USP38: variants seen among roughly 807,000 people sequenced by gnomAD.
USP38 encodes the protein ubiquitin specific peptidase 38.
In USP38, 49 loss-of-function variants were observed where a neutral mutation model predicts 94.3. The ratio of observed to expected loss-of-function variants is 0.52; its 90% CI spans 0.41 to 0.66. The LOEUF is 0.66. USP38 is among the 30% of genes least tolerant of loss of function. The probability of loss-of-function intolerance (pLI) is 0.00; values close to 1 mark genes in which losing one functional copy is unlikely to be tolerated. For missense variants in USP38, 1,128 were observed against 1,229.4 expected (o/e 0.92, Z 1.23); for synonymous variants, 468 against 463.6 (o/e 1.01, Z -0.12).
Position 143,186,066 on chromosome 4 carries a change from T to C in USP38, c.616T>C (p.Trp206Arg). ...AGTGAGTAACTTGCTGCAGAACATC[T>C]GGAAGGCCGAGCCTGCCACACTACT... Reference protein sequence around the residue: ...TKVSNLLQNIWKAEPATLLPS... With the variant: ...TKVSNLLQNIRKAEPATLLPS... The change falls in exon 1 of 10, where the codon TGG (tryptophan) becomes CGG (arginine). Residue 206 changes from tryptophan to arginine, a missense_variant. Transcript: ENST00000307017. 1 of 1,614,200 alleles carries C rather than the reference T, an allele frequency of 6.2e-7. No individual in the cohort carries two copies.
chr4:143,196,316 A>T (rs1731548366), intron 3 of USP38, among the ~76,000 whole-genome samples: 1 of 152,232 alleles, frequency 6.6e-6, no homozygotes. Context: ...AAAAAAAAGT[A>T]TAAGTAATTA....
Position 143,185,742 on chromosome 4 carries a change from A to G in USP38, c.292A>G (p.Arg98Gly), listed in dbSNP as rs979517418. 5.0e-6 allele frequency: 8 copies of G among 1,614,058 alleles called. No individual in the cohort carries two copies. In the African/African-American group the frequency reaches 5.3e-5, roughly 11 times the overall value. Residue 98 changes from arginine to glycine, a missense_variant, in exon 1 of 10, where the codon AGG becomes GGG. Arg to Gly is a moderately radical substitution (Grantham distance 125, BLOSUM62 -2). Transcript: ENST00000307017. ...TCATCAGGGCTACCACTCTCTGGAC[A>G]GGAAGGATGTAGCCATCCTGGACTA... ...LLHQGYHSLD[R>G]KDVAILDYIH...
At position 143,185,338 on chromosome 4, in the gene USP38, G is replaced by T; in HGVS notation, c.-113G>T. The stretch of plus-strand genomic sequence containing the variant: ...GGCGGCGGTGGCCGTGGCCCGTCGC[G>T]CTGCTGCTGCGGCGCTCCAAGTTCA... On this transcript the variant is annotated 5_prime_UTR_variant, in exon 1 of 10. Coordinates refer to ENST00000307017, the MANE Select transcript of USP38 (RefSeq NM_032557.6). The T allele has an allele frequency of 8.2e-7, 1 of 1,223,966 alleles. No individual in the cohort carries two copies. The highest frequency in any genetic ancestry group is 1.1e-6 in the Non-Finnish European group (1 of 902,186). 75.8% of individuals were successfully genotyped at this position (1,223,966 alleles called of 1,614,324 possible).
intron 1 of USP38, 52 bp downstream of exon 1, chr4:143,186,184 T>G (rs58547743): frequency 6.5e-7 from 1 of 1,539,814 alleles, no homozygotes; most frequent in Admixed American, 1.7e-5. Context: ...TATATGTCTC[T>G]CTTGCACACA....
rs1186855043 is a variant in USP38, at chr4:143,185,911, T to G, written c.461T>G (p.Phe154Cys). The change falls in exon 1 of 10, where the codon TTT (phenylalanine) becomes TGT (cysteine). Residue 154 changes from phenylalanine to cysteine, a missense_variant. Phe to Cys is a radical substitution (Grantham distance 205, BLOSUM62 -2). Coordinates refer to ENST00000307017, the MANE Select transcript of USP38 (RefSeq NM_032557.6). ...CGACTGAGCGACCTTCTGACCGACT[T>G]TGTGCAATGCATCCCCAAGGGGAAA... ...CARLSDLLTD[F>C]VQCIPKGKLS... is the part of the protein sequence containing the mutation. 1 of 1,614,178 alleles carries G rather than the reference T, an allele frequency of 6.2e-7. No individual in the cohort carries two copies. Among genetic ancestry groups the G allele is most frequent in the South Asian group, 1.1e-5 (1 of 91,086 alleles).
At chr4:143,208,392 C>G (rs1462590020) in intron 6 of USP38, among the ~76,000 whole-genome samples, 1 of 152,030 alleles carries the variant, frequency 6.6e-6, no homozygotes, top group Non-Finnish European at 1.5e-5. Context: ...TTTTCCATAT[C>G]TTTGAATATC....
intron 9 of USP38, among the ~76,000 whole-genome samples, chr4:143,218,199 T>C (rs183939769): frequency 1.5e-3 from 226 of 152,204 alleles, no homozygotes; most frequent in African/African-American, 5.0e-3. Flanking sequence ...GTATATTCAA[T>C]ATATATGTGC....
In USP38 at chr4:143,213,845, CTCT is replaced by C. The variant is rs1174648950; in HGVS notation, c.1874_1876del (p.Ser625del). ...ATCTTTCGCTTGCCTTTTGTCCTTCCTCTTCTTTGGAAAACATGTCTGTCCAAG... is the reference window on the plus strand; with the variant it reads ...ATCTTTCGCTTGCCTTTTGTCCTTCCTCTTTGGAAAACATGTCTGTCCAAG... On this transcript the variant is annotated inframe_deletion, in exon 9 of 10. Transcript: ENST00000307017. The C allele has an allele frequency of 1.9e-6, 3 of 1,613,706 alleles. No homozygotes were observed. The African/African-American group carries it at 4.0e-5, about 22-fold the overall frequency.
intron 1 of USP38, 31 bp downstream of exon 1, chr4:143,186,163 T>TA (rs772382664): frequency 4.4e-6 from 7 of 1,595,400 alleles, no homozygotes; most frequent in Admixed American, 1.7e-5. Context: ...GAATATCTCA[T>TA]AAAAAATCAG....
chr4:143,188,821 A>G (rs187145539), intron 2 of USP38, among the ~76,000 whole-genome samples: 1 of 152,188 alleles, frequency 6.6e-6, no homozygotes, highest in Admixed American at 6.5e-5. Context: ...TTAATAACAC[A>G]CTTCACTGAT....
chr4:143,209,931 A>G (rs1254994028), intron 7 of USP38, among the ~76,000 whole-genome samples: 1 of 152,202 alleles, frequency 6.6e-6, no homozygotes, highest in Non-Finnish European at 1.5e-5. Flanking sequence ...AATTTTTACA[A>G]AGAAAATATG....
chr4:143,208,136 AAT>A (rs1428361214), intron 6 of USP38, among the ~76,000 whole-genome samples: 10 of 152,144 alleles, frequency 6.6e-5, no homozygotes, highest in African/African-American at 2.4e-4. Flanking sequence ...ATCATTTAAT[AAT>A]TTGTATTCGA....
At chr4:143,219,246 G>A (rs1045929966) in intron 9 of USP38, among the ~76,000 whole-genome samples, 2 of 152,034 alleles carry the variant, frequency 1.3e-5, no homozygotes, top group Non-Finnish European at 2.9e-5. Flanking sequence ...ACTGGGACTT[G>A]AACAGAAGAT....
At position 143,214,480 on chromosome 4, in the gene USP38, C is replaced by T; in HGVS notation, c.2504C>T (p.Thr835Ile). 19 of 1,613,432 alleles carry T rather than the reference C, an allele frequency of 1.2e-5. No individual in the cohort carries two copies. Among genetic ancestry groups the T allele is most frequent in the Non-Finnish European group, 1.6e-5 (19 of 1,179,734 alleles). The change falls in exon 9 of 10, where the codon ACA (threonine) becomes ATA (isoleucine). Residue 835 changes from threonine (T) to isoleucine (I), a missense_variant. Thr to Ile is a moderately conservative substitution (Grantham distance 89). Coordinates refer to ENST00000307017, the MANE Select transcript of USP38 (RefSeq NM_032557.6). ...TCAGGGACTGATGAAGCTTCCTGCA[C>T]AAAATTGGTGCCCTATCTATTAAGT... ...KPSGTDEASC[T>I]KLVPYLLSSV...
intron 2 of USP38, among the ~76,000 whole-genome samples, chr4:143,194,723 G>T (rs1731496639): frequency 6.6e-6 from 1 of 152,150 alleles, no homozygotes; most frequent in Non-Finnish European, 1.5e-5. Context: ...GGCCAGGCTG[G>T]TCTCGAACTT....
At chr4:143,200,544 A>G (rs1731683637) in intron 4 of USP38, among the ~76,000 whole-genome samples, 1 of 152,218 alleles carries the variant, frequency 6.6e-6, no homozygotes, top group Non-Finnish European at 1.5e-5. Context: ...GCAGTCAGGC[A>G]AGAGAAGGCA....
rs1437436020 is a variant in USP38, at chr4:143,195,628, G to A, written c.819-88G>A. 4 of 1,348,374 alleles carry A rather than the reference G, an allele frequency of 3.0e-6. No individual in the cohort carries two copies. In the East Asian group the frequency reaches 7.5e-5, roughly 25 times the overall value. 83.5% of individuals were successfully genotyped at this position (1,348,374 alleles called of 1,614,324 possible). On this transcript the variant is annotated intron_variant, in intron 2 of 9. Transcript: ENST00000307017. ...AATTCAGTAAATGTTTATTCACAAA[G>A]TGAGTGATTATCTACTGTAACTCTT...
chr4:143,214,813 A>G lies in USP38; in HGVS notation c.2837A>G (p.Tyr946Cys), dbSNP rs550208213. ...AAGGACACAGCTTATGTGCTTTTGT[A>G]TAAAAAACAGCATAGTACTAATGGT... ...FPKDTAYVLLYKKQHSTNGLS... is the reference protein window; with the variant it reads ...FPKDTAYVLLCKKQHSTNGLS... Residue 946 changes from tyrosine to cysteine, a missense_variant, in exon 9 of 10, where the codon TAT becomes TGT. Physicochemically the swap from Tyr to Cys is radical, Grantham distance 194. Transcript: ENST00000307017. 3 of 1,613,758 alleles carry G rather than the reference A, an allele frequency of 1.9e-6. No homozygotes were observed. Among genetic ancestry groups the G allele is most frequent in the Non-Finnish European group, 1.7e-6 (2 of 1,179,786 alleles).
chr4:143,199,017 A>G (rs1731633546), intron 4 of USP38, among the ~76,000 whole-genome samples: 2 of 152,098 alleles, frequency 1.3e-5, no homozygotes. Context: ...TCAGGGAAAC[A>G]TGAAAGTTTG....
Sources: gnomAD v4.1 joint callset for allele counts (sites outside exome capture counted in the v4.1 genomes callset) on GRCh38, gnomAD v4.1.1 for gene constraint, MANE v1.5 for transcripts, NCBI Gene and HGNC (gene_info 2026-07-23, HGNC 2026-07-21) for gene names.